The following LIMA1 variants were observed in gnomAD, a reference collection of about 807,000 sequenced individuals.
LIMA1 encodes the protein LIM domain and actin-binding protein 1.
In LIMA1, 52 loss-of-function variants were observed where a neutral mutation model predicts 62.6. That is an observed-to-expected ratio of 0.83 (90% CI 0.67 to 1.05). The LOEUF is 1.05. LIMA1 is among the 50% of genes least tolerant of loss of function. The pLI is 0.00. For missense variants in LIMA1, 780 were observed against 902.2 expected (o/e 0.86, Z 1.74); for synonymous variants, 302 against 317.8 (o/e 0.95, Z 0.53).
At chr12:50,193,593 G>C (rs1592505049) in intron 8 of LIMA1, among the ~76,000 whole-genome samples, 1 of 50,990 alleles carries the variant, frequency 2.0e-5, no homozygotes, top group Admixed American at 3.2e-4. Context: ...ATGTATATAT[G>C]ATATATATAT....
chr12:50,262,944 AG>A (rs1447683390), intron 1 of LIMA1, among the ~76,000 whole-genome samples: 1 of 152,242 alleles, frequency 6.6e-6, no homozygotes, highest in Non-Finnish European at 1.5e-5. Context: ...TGACAGTGTA[AG>A]GAAAATGGCT....
chr12:50,233,220 T>C (rs1243293034), intron 2 of LIMA1, among the ~76,000 whole-genome samples: 1 of 152,256 alleles, frequency 6.6e-6, no homozygotes, highest in African/African-American at 2.4e-5. Flanking sequence ...CTGTGATCTC[T>C]GGCAAGTGAC....
At chr12:50,210,772 T>G (rs1941242039) in intron 4 of LIMA1, among the ~76,000 whole-genome samples, 1 of 152,212 alleles carries the variant, frequency 6.6e-6, no homozygotes, top group Non-Finnish European at 1.5e-5. Context: ...ACCTTTTTTT[T>G]GAAGCCTTTT....
intron 9 of LIMA1, among the ~76,000 whole-genome samples, chr12:50,182,927 G>A (rs1345360479): frequency 1.3e-5 from 2 of 152,206 alleles, no homozygotes; most frequent in African/African-American, 4.8e-5. Flanking sequence ...ACATGGGCCA[G>A]GTGCGGTGGC....
chr12:50,217,179 T>C (rs1941358113), intron 4 of LIMA1, among the ~76,000 whole-genome samples: 1 of 151,972 alleles, frequency 6.6e-6, no homozygotes, highest in East Asian at 1.9e-4. Flanking sequence ...CATTGTTCTT[T>C]CTCCTATTTT....
chr12:50,222,515 T>G (rs774141111), intron 3 of LIMA1, 30 bp from the exon 4 acceptor site: 1 of 1,613,688 alleles, frequency 6.2e-7, no homozygotes. Flanking sequence ...ATGCCAGTTA[T>G]AACTTGCCTG....
At chr12:50,214,053 A>ACACACACACACACACACACAC (rs1565843598) in intron 4 of LIMA1, among the ~76,000 whole-genome samples, 20 of 67,890 alleles carry the variant, frequency 2.9e-4, no homozygotes, top group African/African-American at 1.6e-3. Flanking sequence ...CACACACACG[A>ACACACACACACACACACACAC]GATTACTCAG....
At chr12:50,261,882 C>T (rs1942077674) in intron 1 of LIMA1, among the ~76,000 whole-genome samples, 1 of 152,254 alleles carries the variant, frequency 6.6e-6, no homozygotes, top group South Asian at 2.1e-4. Context: ...CAGAACAGTG[C>T]CTGACACATG....
intron 2 of LIMA1, among the ~76,000 whole-genome samples, chr12:50,232,965 T>G (rs1481360931): frequency 2.6e-5 from 4 of 152,132 alleles, no homozygotes; most frequent in Admixed American, 2.6e-4. Flanking sequence ...CTAGCCTAGG[T>G]GACGGAGCGA....
intron 2 of LIMA1, among the ~76,000 whole-genome samples, chr12:50,233,625 A>G (rs953912803): frequency 6.6e-6 from 1 of 152,226 alleles, no homozygotes; most frequent in Non-Finnish European, 1.5e-5. Flanking sequence ...CCCGGGTTCA[A>G]GCATTCTCCT....
intron 1 of LIMA1, among the ~76,000 whole-genome samples, chr12:50,255,177 A>G (rs12823506): frequency 0.32 from 48,702 of 151,712 alleles, 8,088 homozygotes; most frequent in South Asian, 0.48. Context: ...TTTTCTCCTG[A>G]GATGGTTACT....
chr12:50,241,933 ATTTTTTTTTTTTTTTTTTTTTTTTTTTT>A (rs577308413), intron 2 of LIMA1, among the ~76,000 whole-genome samples: 3 of 36,434 alleles, frequency 8.2e-5, no homozygotes, highest in Admixed American at 5.1e-4. Context: ...TCCTTCCCAG[ATTTTTTTTTTTTTTTTTTTTTTTTTTTT>A]TTTTTTTTTT....
chr12:50,231,682 T>C lies in LIMA1; in HGVS notation c.148A>G (p.Met50Val). The C allele has an allele frequency of 1.2e-6, 2 of 1,614,044 alleles. No individual in the cohort carries two copies. The highest frequency in any genetic ancestry group is 1.7e-6 in the Non-Finnish European group (2 of 1,179,880). The change falls in exon 3 of 11, where the codon ATG (methionine) becomes GTG (valine). Residue 50 changes from methionine (M) to valine (V), a missense_variant. By Grantham distance (21) the Met-to-Val change is conservative. Coordinates refer to ENST00000341247, the MANE Select transcript of LIMA1 (RefSeq NM_016357.5). The part of the protein sequence containing the change: ...KYQKAAEETN[M>V]EKKRSNTENL... ...ATACTTACACTTCTCTTCTTCTCCA[T>C]GTTTGTTTCTTCAGCTGCTTTCTGG...
At chr12:50,255,321 G>A (rs372880802) in intron 1 of LIMA1, among the ~76,000 whole-genome samples, 17 of 151,970 alleles carry the variant, frequency 1.1e-4, no homozygotes, top group African/African-American at 3.9e-4. Context: ...TTGGGAGGCC[G>A]AGGCAGGCAG....
intron 1 of LIMA1, among the ~76,000 whole-genome samples, chr12:50,257,467 A>C (rs1942011719): frequency 6.6e-6 from 1 of 152,226 alleles, no homozygotes; most frequent in Non-Finnish European, 1.5e-5. Context: ...TGCCACCCAG[A>C]AGGAATGCTG....
rs145301023 is a variant in LIMA1, at chr12:50,268,077, C to G, written c.-24+15343G>C. On this transcript the variant is annotated intron_variant, in intron 1 of 10. Coordinates refer to ENST00000341247, the MANE Select transcript of LIMA1 (RefSeq NM_016357.5). Reference sequence around the variant, plus strand: ...TCCTTGTACAATTGGATTTGCCTCTCACAGCAGCTGTCCTTTCCTGGTGTC... The same window carrying G: ...TCCTTGTACAATTGGATTTGCCTCTGACAGCAGCTGTCCTTTCCTGGTGTC... Among the ~76,000 whole-genome samples the G allele has an allele frequency of 2.0e-5, 3 of 152,254 alleles. No individual in the cohort carries two copies. In the East Asian group the frequency reaches 5.8e-4, roughly 29 times the overall value.
At chr12:50,182,838 T>C (rs1940534936) in intron 9 of LIMA1, among the ~76,000 whole-genome samples, 1 of 152,120 alleles carries the variant, frequency 6.6e-6, no homozygotes, top group African/African-American at 2.4e-5. Flanking sequence ...CTAAAGAATA[T>C]AAAACAGTTG....
At chr12:50,188,134 A>C (rs1394535931) in intron 9 of LIMA1, 1 of 152,204 alleles carries the variant, frequency 6.6e-6, no homozygotes, top group Non-Finnish European at 1.5e-5. Context: ...TATTAAGCTA[A>C]AATTTGAAAT....
In LIMA1 at chr12:50,181,821, CT is replaced by C. The variant is rs1940508474; in HGVS notation, c.1274+82del. The C allele has an allele frequency of 3.4e-6, 5 of 1,473,274 alleles. No individual in the cohort carries two copies. In the Admixed American group the frequency reaches 9.2e-5, roughly 27 times the overall value. The allele number at this position is 1,473,274 out of a possible 1,614,324, so 91.3% of individuals were successfully genotyped here. On this transcript the variant is annotated intron_variant, in intron 10 of 10. Transcript: ENST00000341247. ...CAACAGAATATCATTAGCACAGTAG[CT>C]TTTAGCACCAGTGCTCTAAAAGCCA...
Sources: allele counts gnomAD v4.1 joint callset (sites outside exome capture counted in the v4.1 genomes callset), GRCh38; gene constraint gnomAD v4.1.1; transcripts MANE v1.5; gene names NCBI Gene and HGNC (gene_info 2026-07-23, HGNC 2026-07-21).